The following SKAP1 variants were observed in gnomAD, a reference collection of about 807,000 sequenced individuals.
SKAP1 encodes the protein src kinase associated phosphoprotein 1, also known as src kinase-associated phosphoprotein 1.
Under a neutral mutation model 58.5 loss-of-function variants are expected in SKAP1, and 44 were observed. The ratio of observed to expected loss-of-function variants is 0.75; its 90% CI spans 0.59 to 0.97. The LOEUF is 0.97. Among genes scored for constraint, SKAP1 ranks in the 50% least tolerant of loss-of-function variants. The pLI is 0.00. For missense variants in SKAP1, 390 were observed against 435.2 expected (o/e 0.90, Z 0.92); for synonymous variants, 127 against 149.7 (o/e 0.85, Z 1.11).
chr17:48,183,319 G>T (rs1321538528), intron 7 of SKAP1, among the ~76,000 whole-genome samples: 4 of 151,928 alleles, frequency 2.6e-5, no homozygotes, highest in Non-Finnish European at 5.9e-5. Context: ...TATTGTAGAA[G>T]AAGAATCCAC....
chr17:48,360,930 T>A (rs1029823314), intron 3 of SKAP1, among the ~76,000 whole-genome samples: 1 of 152,058 alleles, frequency 6.6e-6, no homozygotes, highest in Non-Finnish European at 1.5e-5. Flanking sequence ...AACCTTGCAA[T>A]GAGACAGTGA....
chr17:48,276,379 C>T (rs1212187135), intron 4 of SKAP1, among the ~76,000 whole-genome samples: 1 of 152,186 alleles, frequency 6.6e-6, no homozygotes, highest in Non-Finnish European at 1.5e-5. Flanking sequence ...TGTTCTCCCT[C>T]CACTTAGCAC....
chr17:48,340,981 G>T (rs1368965486), intron 4 of SKAP1, among the ~76,000 whole-genome samples: 1 of 152,144 alleles, frequency 6.6e-6, no homozygotes, highest in East Asian at 1.9e-4. Flanking sequence ...AAAAGCAATG[G>T]CTTTGAAATC....
chr17:48,293,111 T>C (rs2144088539), intron 4 of SKAP1, among the ~76,000 whole-genome samples: 1 of 152,210 alleles, frequency 6.6e-6, no homozygotes, highest in East Asian at 1.9e-4. Context: ...TATGTAGTTT[T>C]CAATATAATA....
intron 9 of SKAP1, among the ~76,000 whole-genome samples, chr17:48,171,494 G>C (rs942096400): frequency 1.3e-5 from 2 of 152,076 alleles, no homozygotes; most frequent in Non-Finnish European, 2.9e-5. Flanking sequence ...TAAGCATGTT[G>C]AAGTGCTCAT....
intron 4 of SKAP1, among the ~76,000 whole-genome samples, chr17:48,292,666 C>T (rs1345592438): frequency 1.3e-5 from 2 of 152,124 alleles, no homozygotes; most frequent in Non-Finnish European, 2.9e-5. Context: ...GTTCATAAAG[C>T]AATAGCAAGC....
intron 4 of SKAP1, among the ~76,000 whole-genome samples, chr17:48,237,473 G>A (rs1448274077): frequency 6.6e-6 from 1 of 152,124 alleles, no homozygotes; most frequent in South Asian, 2.1e-4. Context: ...AAGCTATGCT[G>A]CCTTACTAAA....
Position 48,386,208 on chromosome 17 carries a change from G to A in SKAP1, c.152+10472C>T, listed in dbSNP as rs74803071. On this transcript the variant is annotated intron_variant, in intron 2 of 12. Coordinates refer to ENST00000336915, the MANE Select transcript of SKAP1 (RefSeq NM_003726.4). ...AAAGAGGGTCTTTTGTTGTTCTCAGGTCTAGTCTAGGACCTAAAAATACAT... is the reference window on the plus strand; with the variant it reads ...AAAGAGGGTCTTTTGTTGTTCTCAGATCTAGTCTAGGACCTAAAAATACAT... Among the ~76,000 whole-genome samples the A allele has an allele frequency of 3.2e-3, 490 of 151,878 alleles. 2 individuals carry two copies. Among genetic ancestry groups the A allele is most frequent in the African/African-American group, 0.011 (459 of 41,358 alleles).
chr17:48,142,307 C>T (rs959647596), intron 11 of SKAP1, among the ~76,000 whole-genome samples: 1 of 152,026 alleles, frequency 6.6e-6, no homozygotes, highest in East Asian at 1.9e-4. Flanking sequence ...ATTAAAAATA[C>T]AAAAATTAGC....
intron 3 of SKAP1, among the ~76,000 whole-genome samples, chr17:48,361,549 A>G (rs1237059944): frequency 2.0e-5 from 3 of 152,216 alleles, no homozygotes; most frequent in Non-Finnish European, 4.4e-5. Context: ...AAAAGGATAT[A>G]CAAATAATGG....
chr17:48,312,127 AG>A (rs1291560150), intron 4 of SKAP1, among the ~76,000 whole-genome samples: 1 of 152,238 alleles, frequency 6.6e-6, no homozygotes, highest in Non-Finnish European at 1.5e-5. Flanking sequence ...CCATTAGCCC[AG>A]TTTGGGCTCC....
intron 4 of SKAP1, among the ~76,000 whole-genome samples, chr17:48,199,455 T>C (rs1449605567): frequency 1.3e-5 from 2 of 152,244 alleles, no homozygotes; most frequent in African/African-American, 4.8e-5. Context: ...TTTTCCTGTT[T>C]GGAACTTCCT....
upstream of SKAP1, among the ~76,000 whole-genome samples, chr17:48,433,838 C>T (rs2067929553): frequency 6.6e-6 from 1 of 152,138 alleles, no homozygotes; most frequent in African/African-American, 2.4e-5. Context: ...CTTGGGAATG[C>T]TGTCTACATG....
At chr17:48,215,608 G>A (rs2064929580) in intron 4 of SKAP1, among the ~76,000 whole-genome samples, 1 of 152,164 alleles carries the variant, frequency 6.6e-6, no homozygotes, top group Non-Finnish European at 1.5e-5. Flanking sequence ...CTCAGGAGAA[G>A]ACCATTTTCT....
the SKAP1 span, among the ~76,000 whole-genome samples, chr17:48,444,344 C>T: frequency 6.6e-6 from 1 of 152,142 alleles, no homozygotes; most frequent in Non-Finnish European, 1.5e-5. Flanking sequence ...GAGCCCAGAT[C>T]GTGCCACTGC....
At chr17:48,288,937 G>A (rs1368389222) in intron 4 of SKAP1, among the ~76,000 whole-genome samples, 1 of 152,122 alleles carries the variant, frequency 6.6e-6, no homozygotes, top group African/African-American at 2.4e-5. Flanking sequence ...GTGGCTTCAG[G>A]CAATTGAACA....
intron 9 of SKAP1, among the ~76,000 whole-genome samples, chr17:48,171,961 G>A (rs1024684351): frequency 2.6e-5 from 4 of 152,160 alleles, no homozygotes; most frequent in African/African-American, 9.7e-5. Context: ...TCAGGAGGCT[G>A]AGGCAAGAGA....
intron 11 of SKAP1, among the ~76,000 whole-genome samples, 166 bp from the exon 12 acceptor site, chr17:48,137,503 G>C (rs2063715896): frequency 6.6e-6 from 1 of 152,138 alleles, no homozygotes; most frequent in South Asian, 2.1e-4. Context: ...AAATCATCTA[G>C]AGGAAGAGAG....
intron 4 of SKAP1, among the ~76,000 whole-genome samples, chr17:48,252,626 A>G (rs566591491): frequency 2.6e-5 from 4 of 152,282 alleles, no homozygotes; most frequent in African/African-American, 7.2e-5. Flanking sequence ...TGCTATTCAG[A>G]TAAGTTTACA....
Sources: gnomAD v4.1 joint callset for allele counts (sites outside exome capture counted in the v4.1 genomes callset) on GRCh38, gnomAD v4.1.1 for gene constraint, MANE v1.5 for transcripts, NCBI Gene and HGNC (gene_info 2026-07-23, HGNC 2026-07-21) for gene names.